SLC24A2: variants seen among roughly 807,000 people sequenced by gnomAD.
The protein encoded by SLC24A2 is sodium/potassium/calcium exchanger 2.
SLC24A2 carries 36 observed loss-of-function variants against 62.0 expected under a neutral mutation model. That is an observed-to-expected ratio of 0.58 (90% confidence interval 0.44 to 0.77). SLC24A2 has a LOEUF of 0.77. Among genes scored for constraint, SLC24A2 ranks in the 30% least tolerant of loss-of-function variants. SLC24A2 has a pLI of 0.00. For missense variants in SLC24A2, 846 were observed against 817.9 expected, an observed-to-expected ratio of 1.03 and a Z score of -0.42; for synonymous variants, 358 against 294.0, an observed-to-expected ratio of 1.22 and a Z score of -2.23.
At chr9:19,555,237 C>G (rs1398541939) in intron 7 of SLC24A2, among the ~76,000 whole-genome samples, 1 of 152,090 alleles carries the variant, frequency 6.6e-6, no homozygotes, top group East Asian at 1.9e-4. Flanking sequence ...CAAGTTTATC[C>G]TAACTGATCT....
At chr9:19,898,961 A>G in the SLC24A2 span, among the ~76,000 whole-genome samples, 1 of 152,214 alleles carries the variant, frequency 6.6e-6, no homozygotes, top group African/African-American at 2.4e-5. Context: ...AAACTATACT[A>G]TGGGTCTGTC....
upstream of SLC24A2, among the ~76,000 whole-genome samples, chr9:19,792,429 T>TCACG (rs1264167433): frequency 2.0e-5 from 3 of 150,350 alleles, no homozygotes; most frequent in East Asian, 5.9e-4. Flanking sequence ...GTGTGGTGGC[T>TCACG]CACGCCTTTA....
chr9:19,869,584 A>G, the SLC24A2 span, among the ~76,000 whole-genome samples: 6 of 152,222 alleles, frequency 3.9e-5, 1 homozygote, highest in South Asian at 1.2e-3. Context: ...TTAATTTTTT[A>G]GTGGTTTCTG....
the SLC24A2 span, among the ~76,000 whole-genome samples, chr9:20,278,592 G>C: frequency 6.6e-6 from 1 of 152,162 alleles, no homozygotes; most frequent in Non-Finnish European, 1.5e-5. Context: ...GACCACCTCA[G>C]CCTGGACTTT....
intron 2 of SLC24A2, among the ~76,000 whole-genome samples, chr9:19,678,318 T>C (rs1344812691): frequency 1.3e-5 from 2 of 152,218 alleles, no homozygotes; most frequent in East Asian, 1.9e-4. Flanking sequence ...CTATATCTGG[T>C]AAGAAGCTTT....
At chr9:20,091,853 A>T in the SLC24A2 span, among the ~76,000 whole-genome samples, 4 of 152,222 alleles carry the variant, frequency 2.6e-5, no homozygotes, top group African/African-American at 9.7e-5. Flanking sequence ...AATGACCATC[A>T]ATGGCAGATT....
chr9:20,205,649 T>TA, the SLC24A2 span, among the ~76,000 whole-genome samples: 4,177 of 65,364 alleles, frequency 0.064, 246 homozygotes, highest in African/African-American at 0.089. Flanking sequence ...AGACTCCATC[T>TA]AAAAAAAAAA....
chr9:20,291,333 C>T, the SLC24A2 span, among the ~76,000 whole-genome samples: 1 of 151,994 alleles, frequency 6.6e-6, no homozygotes, highest in African/African-American at 2.4e-5. Context: ...AGAGAGATGG[C>T]ATTTGAAATG....
intron 9 of SLC24A2, among the ~76,000 whole-genome samples, chr9:19,527,366 T>A (rs1021321219): frequency 6.6e-6 from 1 of 152,196 alleles, no homozygotes; most frequent in African/African-American, 2.4e-5. Context: ...ATAATAATAG[T>A]ACCTGCTTCA....
the SLC24A2 span, among the ~76,000 whole-genome samples, chr9:20,020,756 A>G: frequency 6.6e-6 from 1 of 152,194 alleles, no homozygotes; most frequent in Admixed American, 6.5e-5. Flanking sequence ...ATAAATTTAA[A>G]TCTATTGGCT....
At chr9:19,886,445 A>C in the SLC24A2 span, among the ~76,000 whole-genome samples, 1 of 152,180 alleles carries the variant, frequency 6.6e-6, no homozygotes, top group African/African-American at 2.4e-5. Context: ...GCAAACAAAC[A>C]TATGAAAAAA....
the SLC24A2 span, among the ~76,000 whole-genome samples, chr9:19,899,170 T>G: frequency 7.9e-5 from 12 of 152,330 alleles, no homozygotes; most frequent in African/African-American, 2.9e-4. Context: ...CATGGATGTG[T>G]CTGACTGGTA....
intron 2 of SLC24A2, among the ~76,000 whole-genome samples, chr9:19,660,670 G>A (rs1161547583): frequency 6.6e-6 from 1 of 152,144 alleles, no homozygotes; most frequent in East Asian, 1.9e-4. Flanking sequence ...AGAAGCCTTG[G>A]AGTGAAAGCA....
At chr9:20,101,430 T>A in the SLC24A2 span, among the ~76,000 whole-genome samples, 1 of 152,260 alleles carries the variant, frequency 6.6e-6, no homozygotes, top group African/African-American at 2.4e-5. Flanking sequence ...GGAAACTGTT[T>A]GCCTTGGGGC....
At chr9:19,548,490 G>A (rs1834689472) in intron 8 of SLC24A2, among the ~76,000 whole-genome samples, 1 of 152,068 alleles carries the variant, frequency 6.6e-6, no homozygotes, top group Admixed American at 6.5e-5. Flanking sequence ...GTTTACTGTG[G>A]ACCAATAACT....
At chr9:20,040,428 G>C in the SLC24A2 span, among the ~76,000 whole-genome samples, 1 of 152,144 alleles carries the variant, frequency 6.6e-6, no homozygotes. Context: ...ATGGAATAAT[G>C]AATCAAATGG....
chr9:20,014,721 G>A, the SLC24A2 span, among the ~76,000 whole-genome samples: 5 of 152,212 alleles, frequency 3.3e-5, no homozygotes, highest in East Asian at 7.7e-4. Context: ...GGTTACCAGA[G>A]GCTGGGGAGA....
chr9:19,687,829 G>A (rs1170990772), intron 2 of SLC24A2, among the ~76,000 whole-genome samples: 4 of 152,172 alleles, frequency 2.6e-5, no homozygotes, highest in Non-Finnish European at 4.4e-5. Flanking sequence ...CTCCAGTCAG[G>A]TGCTGTGACC....
chr9:19,636,309 CTTTTCTTTTCTTT>C lies in SLC24A2; in HGVS notation c.931-14023_931-14011del, dbSNP rs1564009600. Among the ~76,000 whole-genome samples the C allele has an allele frequency of 1.9e-3, 78 of 40,422 alleles. 10 individuals carry two copies. Among genetic ancestry groups the C allele is most frequent in the African/African-American group, 4.7e-3 (47 of 10,020 alleles). The allele number at this position is 40,422 out of a possible 152,430, so 26.5% of individuals were successfully genotyped here. The stretch of plus-strand genomic sequence containing the variant: ...CTCTTCTTTTCTTTTCTTTTCTTTT[CTTTTCTTTTCTTT>C]CTTTCTTTCTTTCTTTCTTTCTTTC... On this transcript the variant is annotated intron_variant, in intron 2 of 10. Coordinates refer to ENST00000341998, the MANE Select transcript of SLC24A2 (RefSeq NM_020344.4).
Sources: allele counts gnomAD v4.1 joint callset (sites outside exome capture counted in the v4.1 genomes callset), GRCh38; gene constraint gnomAD v4.1.1; transcripts MANE v1.5; gene names NCBI Gene and HGNC (gene_info 2026-07-23, HGNC 2026-07-21).